The following DTNB variants were observed in gnomAD, a reference collection of about 807,000 sequenced individuals.
DTNB encodes DTN-B.
In DTNB, 63 loss-of-function variants were observed where a neutral mutation model predicts 90.7. That is an observed-to-expected ratio of 0.69 (90% CI 0.57 to 0.86). The LOEUF is 0.86. DTNB is among the 40% of genes least tolerant of loss of function. DTNB has a pLI of 0.00. For missense variants in DTNB, 744 were observed against 807.1 expected (o/e 0.92, Z 0.95); for synonymous variants, 277 against 286.7 (o/e 0.97, Z 0.34).
Position 25,551,281 on chromosome 2 carries a change from A to G in DTNB, c.877-19684T>C, listed in dbSNP as rs138493626. 1.0e-3 allele frequency among the ~76,000 whole-genome samples: 155 copies of G among 152,300 alleles called. 3 individuals carry two copies. Among genetic ancestry groups the G allele is most frequent in the Admixed American group, 9.1e-3 (140 of 15,306 alleles). On this transcript the variant is annotated intron_variant, in intron 8 of 20. Coordinates refer to ENST00000406818, the MANE Select transcript of DTNB (RefSeq NM_021907.5). ...AAGTCTATCCTTGGTCTTCTAAGGA[A>G]ATTATATTTACCTATATTTAAAGTT...
In DTNB at chr2:25,478,855, G is replaced by A. The variant is rs549383746; in HGVS notation, c.1079+3941C>T. 2.6e-5 allele frequency among the ~76,000 whole-genome samples: 4 copies of A among 152,322 alleles called. No homozygotes were observed. In the East Asian group the frequency reaches 7.7e-4, roughly 29 times the overall value. On this transcript the variant is annotated intron_variant, in intron 10 of 20. Coordinates refer to ENST00000406818, the MANE Select transcript of DTNB (RefSeq NM_021907.5). ...AAAGCACAACCCCTGGAGGGGCAAG[G>A]CTGTAGGGAGGTGTGTGTCTGCAAC...
intron 4 of DTNB, among the ~76,000 whole-genome samples, chr2:25,620,950 C>T (rs1044258179): frequency 6.6e-6 from 1 of 152,106 alleles, no homozygotes; most frequent in East Asian, 1.9e-4. Context: ...CTGCTTGAGC[C>T]CAGGAGTTCA....
intron 8 of DTNB, among the ~76,000 whole-genome samples, chr2:25,532,920 G>A (rs2078536513): frequency 6.6e-6 from 1 of 152,054 alleles, no homozygotes; most frequent in Non-Finnish European, 1.5e-5. Flanking sequence ...AGACCATATA[G>A]GCACAGTTAA....
chr2:25,384,381 C>T (rs901595979), intron 18 of DTNB, among the ~76,000 whole-genome samples: 22 of 152,298 alleles, frequency 1.4e-4, no homozygotes, highest in African/African-American at 4.8e-4. Context: ...GTGGGAAGTG[C>T]TAATGCCGTC....
chr2:25,639,077 C>T lies in DTNB; in HGVS notation c.85G>A (p.Val29Ile), dbSNP rs1276260907. 14 of 1,583,562 alleles carry T rather than the reference C, an allele frequency of 8.8e-6. No homozygotes were observed. Among genetic ancestry groups the T allele is most frequent in the Non-Finnish European group, 1.2e-5 (14 of 1,160,988 alleles). Residue 29 changes from valine to isoleucine, a missense_variant, in exon 3 of 21, where the codon GTC becomes ATC. Transcript: ENST00000406818. ...FIEMRAQNFD[V>I]IRLSTYRTAC... ...GTTCTGTAAGTTGATAGTCGTATGA[C>T]ATCAAAATTCTGAGCACCTGAAAAA...
chr2:25,381,234 G>A (rs2037659576), intron 19 of DTNB, among the ~76,000 whole-genome samples: 1 of 152,242 alleles, frequency 6.6e-6, no homozygotes, highest in African/African-American at 2.4e-5. Context: ...TTTGCAGCAT[G>A]TGTTTACACC....
intron 9 of DTNB, among the ~76,000 whole-genome samples, chr2:25,495,593 T>A (rs1308680451): frequency 6.6e-6 from 1 of 152,216 alleles, no homozygotes; most frequent in Non-Finnish European, 1.5e-5. Flanking sequence ...TTCATTGCAA[T>A]GATTCTCGTG....
chr2:25,398,141 G>A (rs1047646186), intron 16 of DTNB, among the ~76,000 whole-genome samples: 10 of 152,184 alleles, frequency 6.6e-5, no homozygotes, highest in African/African-American at 2.4e-4. Flanking sequence ...GAGACAAGAG[G>A]GGTAGGCAGG....
At chr2:25,632,207 A>G (rs1164583543) in intron 3 of DTNB, among the ~76,000 whole-genome samples, 2 of 151,636 alleles carry the variant, frequency 1.3e-5, no homozygotes, top group Non-Finnish European at 2.9e-5. Flanking sequence ...AAAAAAAAAA[A>G]AAAAAAGAAA....
chr2:25,419,555 A>C lies in DTNB; in HGVS notation c.1555-20T>G. ...TTCCTCCTGGAGTGTTGAAGATGAA[A>C]AAAAAAGGCAGAGGAAAAAAGGAGA... On this transcript the variant is annotated intron_variant, in intron 15 of 20. Coordinates refer to ENST00000406818, the MANE Select transcript of DTNB (RefSeq NM_021907.5). 9.7e-6 allele frequency: 15 copies of C among 1,553,056 alleles called. No individual in the cohort carries two copies. The highest frequency in any genetic ancestry group is 1.3e-5 in the Non-Finnish European group (15 of 1,147,918).
chr2:25,607,352 C>T (rs1182418495), intron 4 of DTNB, 31 bp from the exon 5 acceptor site: 4 of 1,555,904 alleles, frequency 2.6e-6, no homozygotes, highest in Non-Finnish European at 3.5e-6. Context: ...GAAATAATTG[C>T]TATCTGAAAC....
chr2:25,492,386 TA>T (rs982524204), intron 9 of DTNB, among the ~76,000 whole-genome samples: 3 of 151,464 alleles, frequency 2.0e-5, no homozygotes, highest in African/African-American at 4.8e-5. Context: ...GACTGTTGAC[TA>T]AAAAAAAAGT....
intron 5 of DTNB, among the ~76,000 whole-genome samples, chr2:25,602,051 G>C (rs2065994863): frequency 6.6e-6 from 1 of 150,968 alleles, no homozygotes; most frequent in African/African-American, 2.4e-5. Flanking sequence ...GAACCCGGGA[G>C]GTGGAAGCTG....
intron 3 of DTNB, among the ~76,000 whole-genome samples, chr2:25,634,539 A>G (rs1307016873): frequency 6.9e-6 from 1 of 145,562 alleles, no homozygotes; most frequent in Non-Finnish European, 1.5e-5. Context: ...CCCGGCCACC[A>G]CCCCGTCTGG....
chr2:25,631,833 A>G (rs1409779233), intron 3 of DTNB, among the ~76,000 whole-genome samples: 5 of 152,192 alleles, frequency 3.3e-5, no homozygotes, highest in Non-Finnish European at 5.9e-5. Context: ...AGCACTATAT[A>G]AAGTACAGCC....
intron 6 of DTNB, among the ~76,000 whole-genome samples, chr2:25,587,511 G>C (rs1014251983): frequency 2.0e-5 from 3 of 152,186 alleles, no homozygotes; most frequent in African/African-American, 7.2e-5. Flanking sequence ...TGAACACCAA[G>C]AATGACCTGG....
At chr2:25,580,378 A>T (rs1227419036) in intron 7 of DTNB, among the ~76,000 whole-genome samples, 1 of 151,924 alleles carries the variant, frequency 6.6e-6, no homozygotes, top group African/African-American at 2.4e-5. Flanking sequence ...AAAATTAACC[A>T]GGTGTGGTGG....
rs570630919 is a variant in DTNB, at chr2:25,538,780, CAAAT to C, written c.877-7187_877-7184del. Among the ~76,000 whole-genome samples the C allele has an allele frequency of 3.4e-3, 518 of 152,164 alleles. 3 individuals carry two copies. The highest frequency in any genetic ancestry group is 0.012 in the African/African-American group (486 of 41,524). On this transcript the variant is annotated intron_variant, in intron 8 of 20. Coordinates refer to ENST00000406818, the MANE Select transcript of DTNB (RefSeq NM_021907.5). ...CAGTACAGTTTTAAAAGTTATAAAA[CAAAT>C]ACCTACCTACCCACTATTCTGCCTG...
rs180937911 is a variant in DTNB at position 25,553,212 on chromosome 2, C to T, written c.877-21615G>A. Among the ~76,000 whole-genome samples, 30 of 152,072 alleles carry T rather than the reference C, an allele frequency of 2.0e-4. No homozygotes were observed. In the East Asian group the frequency reaches 2.1e-3, roughly 11 times the overall value. ...TAGCAATCCTCCCACCTTAGCCTCC[C>T]GAGTAGCTGGGAGTATGCCTATAGT... On this transcript the variant is annotated intron_variant, in intron 8 of 20. Transcript: ENST00000406818.
Sources: gnomAD v4.1 joint callset for allele counts (sites outside exome capture counted in the v4.1 genomes callset) on GRCh38, gnomAD v4.1.1 for gene constraint, MANE v1.5 for transcripts, NCBI Gene and HGNC (gene_info 2026-07-23, HGNC 2026-07-21) for gene names.